RFX1: variants seen among roughly 807,000 people sequenced by gnomAD.
RFX1 encodes the protein MHC class II regulatory factor RFX1.
Under a neutral mutation model 119.6 loss-of-function variants are expected in RFX1, and 42 were observed. That is an observed-to-expected ratio of 0.35 (90% CI 0.27 to 0.45). The LOEUF (loss-of-function observed/expected upper bound fraction) is 0.45, where lower values mean the gene tolerates loss of function less well. RFX1 is among the 20% of genes least tolerant of loss of function. The probability of loss-of-function intolerance (pLI) is 1.00; values close to 1 mark genes in which losing one functional copy is unlikely to be tolerated. For missense variants in RFX1, 1,118 were observed against 1,368.1 expected (o/e 0.82, Z 2.88); for synonymous variants, 628 against 618.5 (o/e 1.02, Z -0.23).
rs562683441 is a variant in RFX1, at chr19:13,978,940, T to TGGG, written c.834+504_834+506dup. ...CCACTGCTCGGCGCCCGGCTCGTAA[T>TGGG]GGGGCGGCGGCGGCTCGGGGCTGCC... is the stretch of plus-strand genomic sequence containing the variant. On this transcript the variant is annotated intron_variant, in intron 7 of 20. Transcript: ENST00000254325. Among the ~76,000 whole-genome samples, 14 of 151,746 alleles carry TGGG rather than the reference T, an allele frequency of 9.2e-5. No homozygotes were observed. In the South Asian group the frequency reaches 2.9e-3, roughly 31 times the overall value.
chr19:14,003,076 C>T (rs1568486426), intron 1 of RFX1, among the ~76,000 whole-genome samples: 1 of 152,192 alleles, frequency 6.6e-6, no homozygotes, highest in African/African-American at 2.4e-5. Context: ...TCCATCTCCA[C>T]GGTTCAAGGG....
In RFX1 at chr19:13,984,438, G is replaced by C. The variant is rs182682852; in HGVS notation, c.320-843C>G. On this transcript the variant is annotated intron_variant, in intron 2 of 20. Transcript: ENST00000254325. ...GGGGCCTTCGCGGGGCTGGGGCAGC[G>C]CTGCGGGGTGAGGAGGGAGGTTGGT... is the stretch of plus-strand genomic sequence containing the variant. 1.4e-4 allele frequency among the ~76,000 whole-genome samples: 21 copies of C among 152,314 alleles called. No homozygotes were observed. The East Asian group carries it at 3.7e-3, about 27-fold the overall frequency.
chr19:13,997,832 C>G lies in RFX1; in HGVS notation c.-52-3937G>C, dbSNP rs77232951. On this transcript the variant is annotated intron_variant, in intron 1 of 20. Transcript: ENST00000254325. Reference sequence around the variant, plus strand: ...TAGCAGGTGGCCAGCCTTAGTGCTCCGAGGCCCAGGGACTCGGGCAGCAGA... The same window carrying G: ...TAGCAGGTGGCCAGCCTTAGTGCTCGGAGGCCCAGGGACTCGGGCAGCAGA... 8.7e-3 allele frequency among the ~76,000 whole-genome samples: 1,318 copies of G among 152,262 alleles called. 25 individuals carry two copies. Among genetic ancestry groups the G allele is most frequent in the African/African-American group, 0.03 (1,244 of 41,564 alleles).
chr19:14,001,972 C>T (rs1975231400), intron 1 of RFX1, among the ~76,000 whole-genome samples: 1 of 152,110 alleles, frequency 6.6e-6, no homozygotes, highest in Non-Finnish European at 1.5e-5. Flanking sequence ...CCTGTCTCTA[C>T]TAAAAATACA....
Position 14,006,303 on chromosome 19 carries a change from T to C in RFX1, c.-253A>G, listed in dbSNP as rs1975379322. On this transcript the variant is annotated 5_prime_UTR_variant, in exon 1 of 21. Transcript: ENST00000254325. ...CTACCGTGGCTATGGCGCCTCCGTT[T>C]CCCTCACCGGGGCAACTGTTGCTAC... 2 of 151,534 alleles carry C rather than the reference T, an allele frequency of 1.3e-5. No individual in the cohort carries two copies. The allele number at this position is 151,534 out of a possible 1,614,324, so 9.4% of individuals were successfully genotyped here.
intron 7 of RFX1, among the ~76,000 whole-genome samples, chr19:13,978,730 C>A (rs1974335596): frequency 6.6e-6 from 1 of 152,130 alleles, no homozygotes; most frequent in African/African-American, 2.4e-5. Flanking sequence ...CTGCCCCCCG[C>A]CCGTGCGTCC....
chr19:13,995,851 CAAAAAA>C (rs57542235), intron 1 of RFX1, among the ~76,000 whole-genome samples: 3 of 35,630 alleles, frequency 8.4e-5, no homozygotes, highest in Non-Finnish European at 2.1e-4. Flanking sequence ...ACTCTGTCTC[CAAAAAA>C]AAAAAAAAAA....
In RFX1 at chr19:13,980,748, G is replaced by A; in HGVS notation, c.622-59C>T. 1.9e-6 allele frequency: 2 copies of A among 1,029,700 alleles called. No individual in the cohort carries two copies. Among genetic ancestry groups the A allele is most frequent in the Non-Finnish European group, 2.9e-6 (2 of 691,996 alleles). 63.8% of individuals were successfully genotyped at this position (1,029,700 alleles called of 1,614,324 possible). ...GGTGGGCTTGCATCCTCTCTGAGGT[G>A]GGCTCACACACACACCCTTCTCAGG... On this transcript the variant is annotated intron_variant, in intron 5 of 20. Coordinates refer to ENST00000254325, the MANE Select transcript of RFX1 (RefSeq NM_002918.5). This position sits in a 1 kb window ranked among gnomAD's most constrained non-coding sequence, Gnocchi z 5.1.
chr19:13,985,909 A>C lies in RFX1; in HGVS notation c.320-2314T>G, dbSNP rs1974578471. Among the ~76,000 whole-genome samples, 1 of 151,930 alleles carries C rather than the reference A, an allele frequency of 6.6e-6. No individual in the cohort carries two copies. The highest frequency in any genetic ancestry group is 1.5e-5 in the Non-Finnish European group (1 of 67,944). ...TGCCAGATGTGGGAGGTGTTGGGGG[A>C]GGCCTCCGCGTAGCCGCATGTGGGC... On this transcript the variant is annotated intron_variant, in intron 2 of 20. Transcript: ENST00000254325. The surrounding 1 kb of genome is among the most constrained non-coding windows in gnomAD (Gnocchi z 4.3).
chr19:13,981,317 C>T (rs968027723), intron 5 of RFX1, among the ~76,000 whole-genome samples: 3 of 152,188 alleles, frequency 2.0e-5, no homozygotes, highest in Non-Finnish European at 2.9e-5. Flanking sequence ...TCAAAGGGGC[C>T]GGGCATGGTG....
chr19:13,973,115 G>A lies in RFX1; in HGVS notation c.942C>T (p.Thr314=), dbSNP rs1024772714. The change falls in exon 9 of 21, where the codon ACC becomes ACT. Residue 314 remains threonine, a synonymous_variant. Transcript: ENST00000254325. ...SYTASAIRSS[T]YSYPETPLYT... is the part of the protein sequence containing the mutation. ...ACAGCGGCGTCTCGGGATAGGAGTAGGTGCTGGAACGGCTGGGAAAGAGGC... is the reference window on the plus strand; with the variant it reads ...ACAGCGGCGTCTCGGGATAGGAGTAAGTGCTGGAACGGCTGGGAAAGAGGC... 1 of 1,599,246 alleles carries A rather than the reference G, an allele frequency of 6.3e-7. No homozygotes were observed. Among genetic ancestry groups the A allele is most frequent in the Non-Finnish European group, 8.5e-7 (1 of 1,179,778 alleles).
chr19:13,972,731 T>C lies in RFX1; in HGVS notation c.1314+12A>G. ...TGCCTGCCTCCTCTGGGGCCCGCGTTGGGGCACTTACCGTGGCTGGCGAGG... is the reference window on the plus strand; with the variant it reads ...TGCCTGCCTCCTCTGGGGCCCGCGTCGGGGCACTTACCGTGGCTGGCGAGG... On this transcript the variant is annotated intron_variant, in intron 9 of 20. Coordinates refer to ENST00000254325, the MANE Select transcript of RFX1 (RefSeq NM_002918.5). 6.3e-7 allele frequency: 1 copy of C among 1,582,576 alleles called. No individual in the cohort carries two copies. Among genetic ancestry groups the C allele is most frequent in the Non-Finnish European group, 8.6e-7 (1 of 1,162,062 alleles).
Position 13,963,839 on chromosome 19 carries a change from C to T in RFX1, c.2361+19G>A. 1.3e-6 allele frequency: 2 copies of T among 1,518,838 alleles called. No individual in the cohort carries two copies. Among genetic ancestry groups the T allele is most frequent in the Non-Finnish European group, 1.8e-6 (2 of 1,134,746 alleles). 94.1% of individuals were successfully genotyped at this position (1,518,838 alleles called of 1,614,324 possible). A position where few individuals can be genotyped will look rare whatever the true frequency, so the allele number is the denominator to read the frequency against. On this transcript the variant is annotated intron_variant, in intron 17 of 20. Coordinates refer to ENST00000254325, the MANE Select transcript of RFX1 (RefSeq NM_002918.5). Reference sequence around the variant, plus strand: ...TAGGCTGCCCCTCATTCGCCCGCCCCGCCCCGCCCCGCGCTCACCTGCACG... The same window carrying T: ...TAGGCTGCCCCTCATTCGCCCGCCCTGCCCCGCCCCGCGCTCACCTGCACG...
At chr19:13,979,629 G>C (rs1974367044) in intron 6 of RFX1, 87 bp from the exon 7 acceptor site, 2 of 853,440 alleles carry the variant, frequency 2.3e-6, no homozygotes, top group South Asian at 4.0e-5. Flanking sequence ...CTTCTGTAAA[G>C]CTCACAGCAG....
chr19:13,972,869 GCCA>G lies in RFX1; in HGVS notation c.1185_1187del (p.Gly399del), dbSNP rs1181070129. ...CTCCGGTGCTGCCACTGCCACCCCC[GCCA>G]CCGCCTCCCCCGCCGCCGCCGCCAC... On this transcript the variant is annotated inframe_deletion, in exon 9 of 21. Transcript: ENST00000254325. 4 of 1,556,592 alleles carry G rather than the reference GCCA, an allele frequency of 2.6e-6. No homozygotes were observed. In the African/African-American group the frequency reaches 4.1e-5, roughly 16 times the overall value.
chr19:13,989,154 A>T (rs1411728673), intron 2 of RFX1, among the ~76,000 whole-genome samples: 2 of 151,932 alleles, frequency 1.3e-5, no homozygotes, highest in Non-Finnish European at 2.9e-5. Flanking sequence ...TGGGGCAGGG[A>T]GTGCTCCTGG....
intron 1 of RFX1, among the ~76,000 whole-genome samples, chr19:14,003,795 C>A (rs775284513): frequency 6.6e-6 from 1 of 152,202 alleles, no homozygotes; most frequent in Non-Finnish European, 1.5e-5. Context: ...CTTCAAATCA[C>A]CCTAGTGTTC....
chr19:13,966,868 C>T lies in RFX1; in HGVS notation c.1733-117G>A, dbSNP rs767806867. The T allele has an allele frequency of 3.7e-4, 254 of 680,072 alleles. No individual in the cohort carries two copies. Among genetic ancestry groups the T allele is most frequent in the Middle Eastern group, 2.9e-3 (7 of 2,398 alleles). The allele number at this position is 680,072 out of a possible 1,614,324, so 42.1% of individuals were successfully genotyped here. A position where few individuals can be genotyped will look rare whatever the true frequency, so the allele number is the denominator to read the frequency against. On this transcript the variant is annotated intron_variant, in intron 12 of 20. Coordinates refer to ENST00000254325, the MANE Select transcript of RFX1 (RefSeq NM_002918.5). The surrounding 1 kb of genome is among the most constrained non-coding windows in gnomAD (Gnocchi z 6.3). The stretch of plus-strand genomic sequence containing the variant: ...GGTCCCCCATGTGCCGGTGAGACAA[C>T]GCTAGGTGGGGTGAGCGCCTGGCCC...
chr19:13,964,083 C>A, intron 16 of RFX1, 76 bp from the exon 17 acceptor site: 4 of 1,379,004 alleles, frequency 2.9e-6, no homozygotes, highest in Non-Finnish European at 3.8e-6. Flanking sequence ...CCCGCTGCAA[C>A]CTCCCTAAGC....
Sources: gnomAD v4.1 joint callset for allele counts (sites outside exome capture counted in the v4.1 genomes callset) on GRCh38, gnomAD v4.1.1 for gene constraint, Gnocchi (gnomAD v3.1) non-coding constraint, MANE v1.5 for transcripts, NCBI Gene and HGNC (gene_info 2026-07-23, HGNC 2026-07-21) for gene names.